CELF4: variants seen among roughly 807,000 people sequenced by gnomAD.
CELF4 encodes CUGBP Elav-like family member 4.
CELF4 carries 18 observed loss-of-function variants against 59.9 expected under a neutral mutation model. The observed-to-expected ratio is 0.30, with a 90% confidence interval of 0.21 to 0.45. The LOEUF (loss-of-function observed/expected upper bound fraction) is 0.45, where lower values mean the gene tolerates loss of function less well. CELF4 is among the 20% of genes least tolerant of loss of function. The probability of loss-of-function intolerance (pLI) is 1.00; values close to 1 mark genes in which losing one functional copy is unlikely to be tolerated. For synonymous variants in CELF4, 261 were observed against 267.1 expected, an observed-to-expected ratio of 0.98 and a Z score of 0.22; for missense variants, 456 against 689.0, an observed-to-expected ratio of 0.66 and a Z score of 3.79.
intron 2 of CELF4, among the ~76,000 whole-genome samples, chr18:37,423,325 G>T (rs1173874276): frequency 6.6e-6 from 1 of 152,188 alleles, no homozygotes; most frequent in East Asian, 1.9e-4. Context: ...GCTTGACCAG[G>T]CTCCTCAGGT....
intron 2 of CELF4, among the ~76,000 whole-genome samples, chr18:37,381,088 A>T (rs2099034346): frequency 7.2e-6 from 1 of 138,412 alleles, no homozygotes; most frequent in Admixed American, 7.2e-5. Context: ...TCATCCCTCC[A>T]TCTACCATCA....
chr18:37,395,903 A>G (rs931768470), intron 2 of CELF4, among the ~76,000 whole-genome samples: 3 of 152,064 alleles, frequency 2.0e-5, no homozygotes, highest in Non-Finnish European at 4.4e-5. Flanking sequence ...ATCCAGCTAG[A>G]CTGATCCATC....
chr18:37,260,941 G>T (rs1281329692), intron 10 of CELF4, among the ~76,000 whole-genome samples: 2 of 152,044 alleles, frequency 1.3e-5, no homozygotes, highest in Non-Finnish European at 2.9e-5. Flanking sequence ...CCCTTCCAGG[G>T]GTTCCTGGTG....
intron 3 of CELF4, among the ~76,000 whole-genome samples, chr18:37,284,408 T>C (rs1170890797): frequency 6.7e-6 from 1 of 149,156 alleles, no homozygotes; most frequent in Non-Finnish European, 1.5e-5. Context: ...TCTGGGAGCC[T>C]GGCCTGGGCC....
chr18:37,539,448 G>GACAC (rs35598472), intron 1 of CELF4, among the ~76,000 whole-genome samples: 7,004 of 134,664 alleles, frequency 0.052, 241 homozygotes, highest in East Asian at 0.24. Context: ...GCACCTCTAA[G>GACAC]ACACACACAC....
chr18:37,470,890 C>CAGAGAGAGAGAG (rs142446683), intron 2 of CELF4, among the ~76,000 whole-genome samples: 15 of 95,004 alleles, frequency 1.6e-4, no homozygotes, highest in African/African-American at 5.8e-4. Context: ...GTGTGTGTGA[C>CAGAGAGAGAGAG]AGAGAGAGAG....
At chr18:37,485,042 C>A (rs990605859) in intron 2 of CELF4, among the ~76,000 whole-genome samples, 6 of 152,206 alleles carry the variant, frequency 3.9e-5, no homozygotes, top group African/African-American at 1.2e-4. Context: ...ATAAATAATT[C>A]TCTTCTCCCC....
chr18:37,477,135 C>T (rs2099852183), intron 2 of CELF4, among the ~76,000 whole-genome samples: 1 of 152,176 alleles, frequency 6.6e-6, no homozygotes, highest in Non-Finnish European at 1.5e-5. Context: ...TCCCTCCCGC[C>T]CATCCTTGCT....
chr18:37,542,904 A>G (rs987898123), intron 1 of CELF4, among the ~76,000 whole-genome samples: 1 of 152,138 alleles, frequency 6.6e-6, no homozygotes, highest in African/African-American at 2.4e-5. Flanking sequence ...TGAAAACCCA[A>G]GTCTCTGGGC....
At chr18:37,549,866 G>A (rs2099982589) in intron 1 of CELF4, among the ~76,000 whole-genome samples, 1 of 152,080 alleles carries the variant, frequency 6.6e-6, no homozygotes, top group Non-Finnish European at 1.5e-5. Context: ...GTGGTTGATA[G>A]TATGTCCTGT....
intron 2 of CELF4, among the ~76,000 whole-genome samples, chr18:37,388,724 A>G (rs764307864): frequency 3.3e-5 from 5 of 152,184 alleles, no homozygotes; most frequent in Non-Finnish European, 7.4e-5. Context: ...ACATGGGAGT[A>G]GGGGGCCTCC....
rs535064639 is a variant in CELF4, at chr18:37,265,781, C to T, written c.1165+752G>A. ...CCAGCTTCACCTCAGTCCCCTCACC[C>T]CTTGCCAGGTAGCCCCACTGCACTC... On this transcript the variant is annotated intron_variant, in intron 9 of 12. Transcript: ENST00000420428. Among the ~76,000 whole-genome samples the T allele has an allele frequency of 5.1e-4, 78 of 152,302 alleles. No homozygotes were observed. The South Asian group carries it at 0.016, about 31-fold the overall frequency.
At chr18:37,331,161 G>T (rs537727501) in intron 2 of CELF4, among the ~76,000 whole-genome samples, 2 of 152,146 alleles carry the variant, frequency 1.3e-5, no homozygotes, top group African/African-American at 4.8e-5. Context: ...GCCTGGGCGG[G>T]GCTGGCTGTC....
At chr18:37,494,260 A>C (rs1394160715) in intron 1 of CELF4, among the ~76,000 whole-genome samples, 1 of 152,216 alleles carries the variant, frequency 6.6e-6, no homozygotes, top group Non-Finnish European at 1.5e-5. Context: ...CTGTGAAAAA[A>C]GACAAAGTGG....
At chr18:37,436,625 A>G (rs1184410529) in intron 2 of CELF4, among the ~76,000 whole-genome samples, 1 of 152,204 alleles carries the variant, frequency 6.6e-6, no homozygotes, top group Non-Finnish European at 1.5e-5. Context: ...CAGGCTATAC[A>G]GAGGCTTTGG....
chr18:37,561,249 T>A (rs1173475587), intron 1 of CELF4, among the ~76,000 whole-genome samples: 1 of 151,908 alleles, frequency 6.6e-6, no homozygotes, highest in Non-Finnish European at 1.5e-5. Context: ...AGCAGAGTGG[T>A]TACCCAGGCA....
chr18:37,320,669 G>T (rs1430369481), intron 3 of CELF4, among the ~76,000 whole-genome samples: 1 of 152,216 alleles, frequency 6.6e-6, no homozygotes, highest in Admixed American at 6.5e-5. Flanking sequence ...CTTCTCCGGG[G>T]AAGTGGCTGA....
intron 11 of CELF4, among the ~76,000 whole-genome samples, chr18:37,258,127 T>TTTTATCTGACAA (rs1438395205): frequency 6.6e-6 from 1 of 152,190 alleles, no homozygotes; most frequent in East Asian, 1.9e-4. Flanking sequence ...CTGACAGCCA[T>TTTTATCTGACAA]ACTTCTGGAT....
chr18:37,304,748 C>A lies in CELF4; in HGVS notation c.448+17055G>T, dbSNP rs1248597840. ...TGTCTCCCTGCCCTCAGCCGCCCTG[C>A]CACTATGGGCTTCCTTTCGGGGGAA... On this transcript the variant is annotated intron_variant, in intron 3 of 12. Transcript: ENST00000420428. Among the ~76,000 whole-genome samples the A allele has an allele frequency of 2.0e-5, 3 of 152,312 alleles. No individual in the cohort carries two copies. The East Asian group carries it at 5.8e-4, about 30-fold the overall frequency.
Sources: gnomAD v4.1 joint callset for allele counts (sites outside exome capture counted in the v4.1 genomes callset) on GRCh38, gnomAD v4.1.1 for gene constraint, MANE v1.5 for transcripts, NCBI Gene and HGNC (gene_info 2026-07-23, HGNC 2026-07-21) for gene names.